Variants in SLX4IP observed in about 807,000 individuals in gnomAD.
SLX4IP encodes protein SLX4IP.
In SLX4IP, 34 loss-of-function variants were observed where a neutral mutation model predicts 32.9. The ratio of observed to expected loss-of-function variants is 1.03; its 90% CI spans 0.79 to 1.38. The LOEUF (loss-of-function observed/expected upper bound fraction) is 1.38. SLX4IP is among the 40% of genes most tolerant of loss of function. The pLI is 0.00. For synonymous variants in SLX4IP, 172 were observed against 171.7 expected, an observed-to-expected ratio of 1.00 and a Z score of -0.01; for missense variants, 444 against 479.0, an observed-to-expected ratio of 0.93 and a Z score of 0.68.
intron 2 of SLX4IP, among the ~76,000 whole-genome samples, chr20:10,493,084 G>C (rs548260428): frequency 1.2e-4 from 18 of 152,106 alleles, no homozygotes; most frequent in Non-Finnish European, 2.1e-4. Context: ...GATTGCAAGT[G>C]TGAGCCACTG....
intron 2 of SLX4IP, among the ~76,000 whole-genome samples, chr20:10,522,158 T>C (rs1382964228): frequency 1.3e-5 from 2 of 152,228 alleles, no homozygotes; most frequent in African/African-American, 4.8e-5. Context: ...ATTAGTAAGA[T>C]ATAACTGGAA....
In SLX4IP at chr20:10,560,821, G is replaced by A. The variant is rs1260345565; in HGVS notation, c.238+1G>A. 2 of 1,588,352 alleles carry A rather than the reference G, an allele frequency of 1.3e-6. No homozygotes were observed. The highest frequency in any genetic ancestry group is 1.7e-6 in the Non-Finnish European group (2 of 1,170,022). ...AGATCCAATCCCTTGTCCTTAAAAGGTAGGCACAGAGCACTTTGATTTTGG... is the reference window on the plus strand; with the variant it reads ...AGATCCAATCCCTTGTCCTTAAAAGATAGGCACAGAGCACTTTGATTTTGG... On this transcript the variant is annotated splice_donor_variant, in intron 4 of 7. Coordinates refer to ENST00000334534, the MANE Select transcript of SLX4IP (RefSeq NM_001009608.3). LOFTEE classifies it high-confidence loss of function.
chr20:10,455,847 G>C (rs1568688915), intron 1 of SLX4IP, among the ~76,000 whole-genome samples: 1 of 152,144 alleles, frequency 6.6e-6, no homozygotes, highest in African/African-American at 2.4e-5. Context: ...CTGGCCTCAA[G>C]TGATTTGCTA....
At chr20:10,520,962 C>T (rs1189786458) in intron 2 of SLX4IP, among the ~76,000 whole-genome samples, 1 of 152,132 alleles carries the variant, frequency 6.6e-6, no homozygotes, top group Non-Finnish European at 1.5e-5. Flanking sequence ...TAAATAGCAT[C>T]CTTATATGGC....
chr20:10,443,664 G>T lies in SLX4IP; in HGVS notation c.-30+8211G>T, dbSNP rs528111346. Among the ~76,000 whole-genome samples the T allele has an allele frequency of 2.6e-4, 40 of 152,306 alleles. 1 individual carries two copies. Among genetic ancestry groups the T allele is most frequent in the African/African-American group, 8.7e-4 (36 of 41,572 alleles). ...AAGTTGCCTGTGCCATAAGATGGAG[G>T]TTTGGGCAGGGGCACTGATATTGTT... On this transcript the variant is annotated intron_variant, in intron 1 of 7. Coordinates refer to ENST00000334534, the MANE Select transcript of SLX4IP (RefSeq NM_001009608.3).
rs71186105 is a variant in SLX4IP at position 10,626,190 on chromosome 20, ATTTTTTTTTTTTTT to A, written c.*2823_*2836del. ...CCACCACGCCCGGCTAATTTTTTGTATTTTTTTTTTTTTTTTTTTTTTTTTAGCAGAAACGGGTT... is the reference window on the plus strand; with the variant it reads ...CCACCACGCCCGGCTAATTTTTTGTATTTTTTTTTTTAGCAGAAACGGGTT... On this transcript the variant is annotated 3_prime_UTR_variant, in exon 8 of 8. Transcript: ENST00000334534. The A allele has an allele frequency of 1.9e-4, 15 of 77,060 alleles. No homozygotes were observed. The highest frequency in any genetic ancestry group is 1.8e-4 in the Admixed American group (1 of 5,456). The allele number at this position is 77,060 out of a possible 1,614,324, so 4.8% of individuals were successfully genotyped here. A position where few individuals can be genotyped will look rare whatever the true frequency, so the allele number is the denominator to read the frequency against.
intron 6 of SLX4IP, among the ~76,000 whole-genome samples, chr20:10,617,797 C>T (rs1181856389): frequency 6.6e-6 from 1 of 151,916 alleles, no homozygotes; most frequent in Non-Finnish European, 1.5e-5. Flanking sequence ...TATAAGTGCA[C>T]ACCACCACGC....
chr20:10,602,233 C>A (rs1298631844), intron 6 of SLX4IP, among the ~76,000 whole-genome samples: 1 of 152,132 alleles, frequency 6.6e-6, no homozygotes, highest in Non-Finnish European at 1.5e-5. Flanking sequence ...TTCATGAGAA[C>A]CAGTACTTTT....
rs114743537 is a variant in SLX4IP at position 10,503,153 on chromosome 20, G to C, written c.27+44922G>C. 6.0e-3 allele frequency among the ~76,000 whole-genome samples: 906 copies of C among 152,232 alleles called. 7 individuals carry two copies. Among genetic ancestry groups the C allele is most frequent in the African/African-American group, 0.021 (858 of 41,522 alleles). ...TCCCACATTCCCTTATATCAGCAGG[G>C]TTCACTCTGGGTATGAATGGGACTC... On this transcript the variant is annotated intron_variant, in intron 2 of 7. Coordinates refer to ENST00000334534, the MANE Select transcript of SLX4IP (RefSeq NM_001009608.3).
chr20:10,473,830 CT>C (rs1291581216), intron 2 of SLX4IP, among the ~76,000 whole-genome samples: 60 of 143,076 alleles, frequency 4.2e-4, no homozygotes, highest in South Asian at 1.1e-3. Context: ...GGTTGGTCTT[CT>C]TTTTTTTTTT....
chr20:10,541,989 T>G (rs2066112700), intron 2 of SLX4IP, among the ~76,000 whole-genome samples: 2 of 152,236 alleles, frequency 1.3e-5, no homozygotes, highest in African/African-American at 2.4e-5. Context: ...CTCAGATTTT[T>G]GGGGTCTATA....
chr20:10,481,637 T>C (rs1470816546), intron 2 of SLX4IP, among the ~76,000 whole-genome samples: 2 of 152,218 alleles, frequency 1.3e-5, no homozygotes, highest in Non-Finnish European at 2.9e-5. Flanking sequence ...TGATTCTCAA[T>C]TTATTTCCTT....
chr20:10,615,960 A>G (rs1221101183), intron 6 of SLX4IP, among the ~76,000 whole-genome samples: 1 of 152,132 alleles, frequency 6.6e-6, no homozygotes, highest in African/African-American at 2.4e-5. Context: ...TCAAGGCCCC[A>G]CCTCTTAATA....
intron 2 of SLX4IP, among the ~76,000 whole-genome samples, chr20:10,538,377 C>T (rs975778172): frequency 6.6e-5 from 10 of 152,214 alleles, no homozygotes; most frequent in African/African-American, 2.4e-4. Context: ...ATAGGGTGTT[C>T]AGCAGTATTC....
chr20:10,469,380 A>G (rs1243283856), intron 2 of SLX4IP, among the ~76,000 whole-genome samples: 3 of 152,146 alleles, frequency 2.0e-5, no homozygotes, highest in African/African-American at 7.2e-5. Flanking sequence ...CACTTTGAAA[A>G]TATTTTTAAT....
At chr20:10,494,784 C>CT (rs1338987296) in intron 2 of SLX4IP, among the ~76,000 whole-genome samples, 1 of 152,056 alleles carries the variant, frequency 6.6e-6, no homozygotes, top group Admixed American at 6.6e-5. Context: ...TTAGTTTACT[C>CT]TATTTTAGGC....
chr20:10,479,335 G>C (rs1285970100), intron 2 of SLX4IP, among the ~76,000 whole-genome samples: 1 of 147,358 alleles, frequency 6.8e-6, no homozygotes, highest in South Asian at 2.2e-4. Flanking sequence ...TATTCTCATC[G>C]CTCAAATTCC....
chr20:10,452,695 A>ATATG (rs1460627241), intron 1 of SLX4IP, among the ~76,000 whole-genome samples: 4 of 146,616 alleles, frequency 2.7e-5, no homozygotes, highest in African/African-American at 1.0e-4. Context: ...ATATATATAT[A>ATATG]TGTAAATTAG....
chr20:10,625,889 T>C lies in SLX4IP; in HGVS notation c.*2510T>C, dbSNP rs910069105. 2 of 152,188 alleles carry C rather than the reference T, an allele frequency of 1.3e-5. No homozygotes were observed. 9.4% of individuals were successfully genotyped at this position (152,188 alleles called of 1,614,324 possible). On this transcript the variant is annotated 3_prime_UTR_variant, in exon 8 of 8. Transcript: ENST00000334534. ...TCTTGTTATTTGAGTGGTTGCATGA[T>C]TCTTTGGATATTTGGAAGTACAAAG... is the stretch of plus-strand genomic sequence containing the variant.
Sources: allele counts gnomAD v4.1 joint callset (sites outside exome capture counted in the v4.1 genomes callset), GRCh38; gene constraint gnomAD v4.1.1; transcripts MANE v1.5; gene names NCBI Gene and HGNC (gene_info 2026-07-23, HGNC 2026-07-21).